The following GPX6 variants were observed in gnomAD, a reference collection of about 807,000 sequenced individuals.
GPX6 encodes glutathione peroxidase 6.
A neutral mutation model predicts 20.0 loss-of-function variants in GPX6; 21 were observed. That is an observed-to-expected ratio of 1.05 (90% CI 0.74 to 1.51). The LOEUF (loss-of-function observed/expected upper bound fraction) is 1.51, where lower values mean the gene tolerates loss of function less well. Ranked by LOEUF, GPX6 falls within the 40% of genes most tolerant of loss-of-function variation. The probability of loss-of-function intolerance (pLI) is 0.00; values close to 1 mark genes in which losing one functional copy is unlikely to be tolerated. For synonymous variants in GPX6, 75 were observed against 98.0 expected, an observed-to-expected ratio of 0.77 and a Z score of 1.38; for missense variants, 233 against 254.7, an observed-to-expected ratio of 0.91 and a Z score of 0.58.
intron 1 of GPX6, among the ~76,000 whole-genome samples, chr6:28,513,624 CTT>C (rs1313143774): frequency 2.0e-5 from 3 of 152,182 alleles, no homozygotes; most frequent in African/African-American, 7.2e-5. Flanking sequence ...AGCGGAAAAA[CTT>C]TTCTACCCAC....
At position 28,504,197 on chromosome 6, in the gene GPX6, G is replaced by A. The variant is rs1762783945; in HGVS notation, c.*95C>T. ...GGTCATCAGGAGGCTGGGTAGGCACGAGTGTGGAGCAAAGAAGGAGGAAGA... is the reference window on the plus strand; with the variant it reads ...GGTCATCAGGAGGCTGGGTAGGCACAAGTGTGGAGCAAAGAAGGAGGAAGA... On this transcript the variant is annotated 3_prime_UTR_variant, in exon 5 of 5. Coordinates refer to ENST00000361902, the MANE Select transcript of GPX6 (RefSeq NM_182701.1). The A allele has an allele frequency of 2.4e-6, 3 of 1,251,380 alleles. No individual in the cohort carries two copies. Among genetic ancestry groups the A allele is most frequent in the African/African-American group, 1.5e-5 (1 of 67,960 alleles). The allele number at this position is 1,251,380 out of a possible 1,614,324, so 77.5% of individuals were successfully genotyped here.
chr6:28,506,706 A>ACACACACACACAC (rs369306148), intron 2 of GPX6, among the ~76,000 whole-genome samples: 11 of 145,174 alleles, frequency 7.6e-5, no homozygotes, highest in Admixed American at 2.1e-4. Context: ...TTTTTTTTTA[A>ACACACACACACAC]ACACACACAC....
intron 2 of GPX6, among the ~76,000 whole-genome samples, chr6:28,507,776 G>A (rs1762820756): frequency 6.6e-6 from 1 of 152,216 alleles, no homozygotes; most frequent in South Asian, 2.1e-4. Context: ...ATGTTGGCAA[G>A]GCTGGTCTGA....
At chr6:28,508,788 C>CA (rs1762832326) in intron 2 of GPX6, among the ~76,000 whole-genome samples, 2 of 152,186 alleles carry the variant, frequency 1.3e-5, no homozygotes, top group Admixed American at 6.5e-5. Context: ...GCCTGGGCGA[C>CA]AGAGCAAGAC....
chr6:28,504,723 A>G (rs983079697), intron 4 of GPX6, among the ~76,000 whole-genome samples: 1 of 152,162 alleles, frequency 6.6e-6, no homozygotes, highest in Non-Finnish European at 1.5e-5. Context: ...TGGTAAATAG[A>G]AAGCATTCCT....
intron 2 of GPX6, among the ~76,000 whole-genome samples, chr6:28,509,299 C>T (rs183038956): frequency 2.0e-5 from 3 of 148,788 alleles, no homozygotes; most frequent in African/African-American, 7.5e-5. Flanking sequence ...ACTTGTGGAT[C>T]ATTTGAGGTC....
At position 28,503,317 on chromosome 6, in the gene GPX6, C is replaced by A. The variant is rs1053347667; in HGVS notation, c.*975G>T. The A allele has an allele frequency of 1.3e-5, 2 of 152,028 alleles. No homozygotes were observed. Among genetic ancestry groups the A allele is most frequent in the African/African-American group, 4.8e-5 (2 of 41,316 alleles). The allele number at this position is 152,028 out of a possible 1,614,324, so 9.4% of individuals were successfully genotyped here. Reference sequence around the variant, plus strand: ...GTTCCAGCCGTGCTTTTATATGTGCCAAGGAAAGTTCTAGAGCATTTTTGA... The same window carrying A: ...GTTCCAGCCGTGCTTTTATATGTGCAAAGGAAAGTTCTAGAGCATTTTTGA... On this transcript the variant is annotated 3_prime_UTR_variant, in exon 5 of 5. Coordinates refer to ENST00000361902, the MANE Select transcript of GPX6 (RefSeq NM_182701.1).
intron 1 of GPX6, 150 bp from the exon 2 acceptor site, chr6:28,511,054 G>C (rs1762862243): frequency 1.6e-6 from 1 of 607,506 alleles, no homozygotes; most frequent in Admixed American, 3.4e-5. Flanking sequence ...TTTTTAGTTA[G>C]AGCTGATGCC....
chr6:28,507,810 C>A (rs1310650044), intron 2 of GPX6, among the ~76,000 whole-genome samples: 1 of 152,124 alleles, frequency 6.6e-6, no homozygotes, highest in Non-Finnish European at 1.5e-5. Flanking sequence ...CAAGAGTGAT[C>A]CGGCCACCTT....
At chr6:28,506,230 T>A (rs1762804339) in intron 3 of GPX6, 82 bp downstream of exon 3, 1 of 845,348 alleles carries the variant, frequency 1.2e-6, no homozygotes, top group Non-Finnish European at 2.1e-6. Flanking sequence ...TCCCAGAAGT[T>A]TCCAGAATAG....
chr6:28,504,193 G>T lies in GPX6; in HGVS notation c.*99C>A. 8.4e-7 allele frequency: 1 copy of T among 1,195,994 alleles called. No individual in the cohort carries two copies. Among genetic ancestry groups the T allele is most frequent in the Non-Finnish European group, 1.2e-6 (1 of 825,418 alleles). The allele number at this position is 1,195,994 out of a possible 1,614,324, so 74.1% of individuals were successfully genotyped here. The stretch of plus-strand genomic sequence containing the variant: ...GTTTGGTCATCAGGAGGCTGGGTAG[G>T]CACGAGTGTGGAGCAAAGAAGGAGG... On this transcript the variant is annotated 3_prime_UTR_variant, in exon 5 of 5. Coordinates refer to ENST00000361902, the MANE Select transcript of GPX6 (RefSeq NM_182701.1).
At chr6:28,514,978 A>G (rs1762997862) in intron 1 of GPX6, among the ~76,000 whole-genome samples, 1 of 151,882 alleles carries the variant, frequency 6.6e-6, no homozygotes, top group African/African-American at 2.4e-5. Context: ...CAGTGGGGGG[A>G]CTTTTCTAAA....
At chr6:28,512,408 T>C (rs934807854) in intron 1 of GPX6, among the ~76,000 whole-genome samples, 5 of 152,240 alleles carry the variant, frequency 3.3e-5, no homozygotes, top group Admixed American at 6.5e-5. Context: ...ACTCTGTATC[T>C]AGCTGCTCTG....
intron 4 of GPX6, among the ~76,000 whole-genome samples, chr6:28,505,243 G>A (rs1354187667): frequency 6.6e-6 from 1 of 152,170 alleles, no homozygotes; most frequent in Non-Finnish European, 1.5e-5. Context: ...GCATTGTTCT[G>A]CAGACCAGCA....
chr6:28,504,769 T>G (rs1762792559), intron 4 of GPX6, among the ~76,000 whole-genome samples: 1 of 152,164 alleles, frequency 6.6e-6, no homozygotes, highest in South Asian at 2.1e-4. Flanking sequence ...CATGGTTTTA[T>G]CACGATGATT....
intron 2 of GPX6, among the ~76,000 whole-genome samples, chr6:28,507,604 A>G (rs949207612): frequency 6.6e-6 from 1 of 152,190 alleles, no homozygotes; most frequent in African/African-American, 2.4e-5. Context: ...TCTCTCTGTC[A>G]CCCAGGCTGG....
At chr6:28,508,848 A>C (rs911820074) in intron 2 of GPX6, among the ~76,000 whole-genome samples, 1 of 152,096 alleles carries the variant, frequency 6.6e-6, no homozygotes, top group Non-Finnish European at 1.5e-5. Flanking sequence ...AATTATTTTA[A>C]ATGTGTGATT....
chr6:28,511,657 G>C (rs1197791259), intron 1 of GPX6, among the ~76,000 whole-genome samples: 1 of 152,276 alleles, frequency 6.6e-6, no homozygotes, highest in African/African-American at 2.4e-5. Flanking sequence ...CACCATCGTG[G>C]TGAGAGGTGA....
rs55919532 is a variant in GPX6, at chr6:28,504,099, T to TACACACACACACAC, written c.*179_*192dup. 1.2e-3 allele frequency: 657 copies of TACACACACACACAC among 565,694 alleles called. 2 individuals carry two copies. Among genetic ancestry groups the TACACACACACACAC allele is most frequent in the African/African-American group, 4.2e-3 (217 of 51,652 alleles). The allele number at this position is 565,694 out of a possible 1,614,324, so 35.0% of individuals were successfully genotyped here. On this transcript the variant is annotated 3_prime_UTR_variant, in exon 5 of 5. Coordinates refer to ENST00000361902, the MANE Select transcript of GPX6 (RefSeq NM_182701.1). Reference sequence around the variant, plus strand: ...CAACAAATACAATTCTACATATCCATACACACACACACACACACACACACA... The same window carrying TACACACACACACAC: ...CAACAAATACAATTCTACATATCCATACACACACACACACACACACACACACACACACACACACA...
Sources: gnomAD v4.1 joint callset for allele counts (sites outside exome capture counted in the v4.1 genomes callset) on GRCh38, gnomAD v4.1.1 for gene constraint, MANE v1.5 for transcripts, NCBI Gene and HGNC (gene_info 2026-07-23, HGNC 2026-07-21) for gene names.